TRHDE: variants seen among roughly 807,000 people sequenced by gnomAD.
TRHDE encodes the protein thyrotropin-releasing hormone-degrading ectoenzyme.
In TRHDE, 72 loss-of-function variants were observed where a neutral mutation model predicts 125.7. That is an observed-to-expected ratio of 0.57 (90% CI 0.47 to 0.70). The LOEUF is 0.70. Among genes scored for constraint, TRHDE ranks in the 30% least tolerant of loss-of-function variants. The pLI is 0.00. For synonymous variants in TRHDE, 509 were observed against 509.1 expected (o/e 1.00, Z 0.00); for missense variants, 1,110 against 1,327.1 (o/e 0.84, Z 2.54).
chr12:72,429,782 A>G (rs1419936915), intron 3 of TRHDE, among the ~76,000 whole-genome samples: 3 of 152,120 alleles, frequency 2.0e-5, no homozygotes, highest in Non-Finnish European at 4.4e-5. Context: ...GATGTTGAGC[A>G]TCTTTTCATG....
intron 3 of TRHDE, 41 bp from the exon 4 acceptor site, chr12:72,469,717 T>A (rs1333965443): frequency 1.9e-6 from 3 of 1,590,744 alleles, no homozygotes; most frequent in Non-Finnish European, 2.6e-6. Flanking sequence ...GAATCTGGTG[T>A]CTTTGTTAAA....
At chr12:72,305,580 A>G (rs567758463) in intron 2 of TRHDE, among the ~76,000 whole-genome samples, 6 of 152,310 alleles carry the variant, frequency 3.9e-5, no homozygotes, top group Admixed American at 1.3e-4. Flanking sequence ...CCCTAACTCT[A>G]TGAGAGCGGT....
intron 6 of TRHDE, among the ~76,000 whole-genome samples, chr12:72,516,857 G>T (rs984755992): frequency 1.1e-4 from 17 of 151,952 alleles, no homozygotes; most frequent in African/African-American, 3.9e-4. Flanking sequence ...AGCATGAAGC[G>T]TTGTTGAATT....
intron 15 of TRHDE, among the ~76,000 whole-genome samples, chr12:72,626,157 G>A (rs1873249859): frequency 6.6e-6 from 1 of 151,930 alleles, no homozygotes; most frequent in African/African-American, 2.4e-5. Flanking sequence ...AATCGCTGGT[G>A]TAGGGAAAGG....
chr12:72,501,640 G>T (rs1434152693), intron 6 of TRHDE, among the ~76,000 whole-genome samples: 1 of 152,018 alleles, frequency 6.6e-6, no homozygotes, highest in Non-Finnish European at 1.5e-5. Flanking sequence ...AGGGATATTA[G>T]TATGTAATTT....
intron 5 of TRHDE, among the ~76,000 whole-genome samples, chr12:72,487,874 A>G (rs1877484394): frequency 2.0e-5 from 3 of 152,080 alleles, no homozygotes; most frequent in Admixed American, 1.3e-4. Context: ...GACATTAAAA[A>G]CCTAAACTGT....
intron 1 of TRHDE, among the ~76,000 whole-genome samples, chr12:72,277,481 T>G (rs2139414528): frequency 6.6e-6 from 1 of 152,334 alleles, no homozygotes; most frequent in Non-Finnish European, 1.5e-5. Flanking sequence ...TTGCTTTTTG[T>G]CCCTCTATAG....
intron 2 of TRHDE, among the ~76,000 whole-genome samples, chr12:72,245,674 C>T (rs939154491): frequency 6.6e-6 from 1 of 151,746 alleles, no homozygotes; most frequent in Non-Finnish European, 1.5e-5. Context: ...ATTTAATTTT[C>T]AAATTTATAA....
chr12:72,129,955 G>A (rs377264477), intron 2 of TRHDE, among the ~76,000 whole-genome samples: 109 of 152,296 alleles, frequency 7.2e-4, no homozygotes, highest in Admixed American at 1.2e-3. Flanking sequence ...TCTATTAAGG[G>A]ACATGAAATA....
chr12:72,575,873 A>G (rs987403481), intron 12 of TRHDE, among the ~76,000 whole-genome samples: 2 of 152,230 alleles, frequency 1.3e-5, no homozygotes, highest in African/African-American at 4.8e-5. Context: ...AATTACCTTG[A>G]AGCATTGGCA....
chr12:72,544,129 T>G (rs1869293228), intron 7 of TRHDE, among the ~76,000 whole-genome samples: 1 of 151,464 alleles, frequency 6.6e-6, no homozygotes, highest in African/African-American at 2.4e-5. Flanking sequence ...GTACTTCGCT[T>G]GCAGCTTTAT....
chr12:72,315,853 G>A (rs1656701791), intron 2 of TRHDE, among the ~76,000 whole-genome samples: 2 of 152,204 alleles, frequency 1.3e-5, no homozygotes, highest in South Asian at 4.1e-4. Flanking sequence ...ATTTTCTGCA[G>A]CATTTTAATT....
chr12:72,417,761 A>G (rs1054745848), intron 3 of TRHDE, among the ~76,000 whole-genome samples: 2 of 151,994 alleles, frequency 1.3e-5, no homozygotes, highest in African/African-American at 2.4e-5. Flanking sequence ...AGCCTTAAGT[A>G]CTTCTAGATC....
intron 3 of TRHDE, among the ~76,000 whole-genome samples, chr12:72,380,286 G>T (rs1449304127): frequency 6.6e-6 from 1 of 152,172 alleles, no homozygotes; most frequent in Non-Finnish European, 1.5e-5. Context: ...CTCTTCTGGG[G>T]CTTACATTCT....
intron 2 of TRHDE, among the ~76,000 whole-genome samples, chr12:72,326,604 G>C (rs932000751): frequency 6.6e-6 from 1 of 152,078 alleles, no homozygotes; most frequent in African/African-American, 2.4e-5. Flanking sequence ...AAACTTTCAA[G>C]CTTAGGAAAT....
intron 2 of TRHDE, among the ~76,000 whole-genome samples, chr12:72,136,581 G>T (rs1359474354): frequency 6.6e-6 from 1 of 152,216 alleles, no homozygotes; most frequent in Non-Finnish European, 1.5e-5. Context: ...GTTAATCATA[G>T]TTTGGGATTG....
At chr12:72,192,123 A>G (rs1877352389) in intron 2 of TRHDE, among the ~76,000 whole-genome samples, 1 of 152,132 alleles carries the variant, frequency 6.6e-6, no homozygotes, top group South Asian at 2.1e-4. Flanking sequence ...TGACTTTTGT[A>G]AAACTTCTTA....
chr12:72,161,419 G>A (rs1162463935), intron 2 of TRHDE, among the ~76,000 whole-genome samples: 2 of 145,192 alleles, frequency 1.4e-5, no homozygotes, highest in South Asian at 2.2e-4. Flanking sequence ...GCGACAGAGC[G>A]AGACTCCGTC....
In TRHDE at chr12:72,421,442, G is replaced by A. The variant is rs1229607160; in HGVS notation, c.1315+43321G>A. Among the ~76,000 whole-genome samples, 4 of 152,120 alleles carry A rather than the reference G, an allele frequency of 2.6e-5. 1 individual carries two copies. Among genetic ancestry groups the A allele is most frequent in the Non-Finnish European group, 4.4e-5 (3 of 68,020 alleles). On this transcript the variant is annotated intron_variant, in intron 3 of 18. Coordinates refer to ENST00000261180, the MANE Select transcript of TRHDE (RefSeq NM_013381.3). ...TGCGGTTTGACTTTCTTACAGCATG[G>A]CAACTAGTTCTATAGGTAATGGCCA...
Sources: allele counts gnomAD v4.1 joint callset (sites outside exome capture counted in the v4.1 genomes callset), GRCh38; gene constraint gnomAD v4.1.1; transcripts MANE v1.5; gene names NCBI Gene and HGNC (gene_info 2026-07-23, HGNC 2026-07-21).